RASA3: variants seen among roughly 807,000 people sequenced by gnomAD.
RASA3 encodes ras GTPase-activating protein 3.
Under a neutral mutation model 110.0 loss-of-function variants are expected in RASA3, and 73 were observed. That is an observed-to-expected ratio of 0.66 (90% CI 0.55 to 0.81). RASA3 has a LOEUF of 0.81. RASA3 is among the 30% of genes least tolerant of loss of function. The pLI is 0.00. For synonymous variants in RASA3, 500 were observed against 451.4 expected, an observed-to-expected ratio of 1.11 and a Z score of -1.37; for missense variants, 976 against 1,113.2, an observed-to-expected ratio of 0.88 and a Z score of 1.75.
chr13:114,132,589 G>A lies in RASA3; in HGVS notation c.-100C>T, dbSNP rs1034182195. The A allele has an allele frequency of 2.7e-5, 28 of 1,056,520 alleles. No homozygotes were observed. Among genetic ancestry groups the A allele is most frequent in the Non-Finnish European group, 2.7e-5 (23 of 840,096 alleles). 65.4% of individuals were successfully genotyped at this position (1,056,520 alleles called of 1,614,324 possible). A position where few individuals can be genotyped will look rare whatever the true frequency, so the allele number is the denominator to read the frequency against. Reference sequence around the variant, plus strand: ...GCGGCGGCGCCGGAGCCCCGAGCGCGGCCGAGGGTCCGCCCGCCTGCAAGA... The same window carrying A: ...GCGGCGGCGCCGGAGCCCCGAGCGCAGCCGAGGGTCCGCCCGCCTGCAAGA... On this transcript the variant is annotated 5_prime_UTR_variant, in exon 1 of 24. Transcript: ENST00000334062.
intron 4 of RASA3, 62 bp from the exon 5 acceptor site, chr13:114,029,949 C>CG (rs2054115596): frequency 1.4e-6 from 2 of 1,467,008 alleles, no homozygotes; most frequent in Admixed American, 3.9e-5. Context: ...CCACTAGGGC[C>CG]GCGCGCCCAG....
At chr13:114,052,891 T>G (rs1320726923) in intron 2 of RASA3, among the ~76,000 whole-genome samples, 88 of 129,816 alleles carry the variant, frequency 6.8e-4, no homozygotes, top group African/African-American at 2.5e-3. Flanking sequence ...CTGACTGTGC[T>G]TAGAGTCCTG....
At chr13:114,021,188 C>T (rs982901758) in intron 9 of RASA3, among the ~76,000 whole-genome samples, 1 of 152,212 alleles carries the variant, frequency 6.6e-6, no homozygotes, top group African/African-American at 2.4e-5. Flanking sequence ...CAGTGTGATC[C>T]CTGCTGCCTC....
chr13:114,032,686 C>A (rs115225459), intron 4 of RASA3, among the ~76,000 whole-genome samples: 2,096 of 146,832 alleles, frequency 0.014, 60 homozygotes, highest in African/African-American at 0.051. Flanking sequence ...TTCCACGGCA[C>A]CCCCACACTG....
chr13:114,011,194 C>T lies in RASA3; in HGVS notation c.1567G>A (p.Gly523Ser), dbSNP rs780630268. 37 of 1,612,668 alleles carry T rather than the reference C, an allele frequency of 2.3e-5. No individual in the cohort carries two copies. Among genetic ancestry groups the T allele is most frequent in the Admixed American group, 3.3e-5 (2 of 59,968 alleles). Residue 523 changes from glycine to serine, a missense_variant, in exon 16 of 24, where the codon GGC becomes AGC. This residue lies in a region of RASA3 where 732 missense variants were observed against 779.7 expected (regional missense o/e 0.94). Transcript: ENST00000334062. The surrounding 1 kb of genome is among the most constrained non-coding windows in gnomAD (Gnocchi z 4.8). ...TLISKTVQTL[G>S]SLSKSKSASF... ...ACAGATTTGGACTTGGACAGGCTGC[C>T]GAGGGTCTGAACGGTCTTGGAGATC...
At chr13:114,001,889 T>TCA (rs2053412942) in intron 18 of RASA3, among the ~76,000 whole-genome samples, 1 of 152,238 alleles carries the variant, frequency 6.6e-6, no homozygotes, top group African/African-American at 2.4e-5. Context: ...CCAGCCCTGC[T>TCA]GTGGTAGAAG....
chr13:114,113,317 G>C (rs1309126917), intron 1 of RASA3, among the ~76,000 whole-genome samples: 1 of 152,244 alleles, frequency 6.6e-6, no homozygotes, highest in African/African-American at 2.4e-5. Flanking sequence ...AGATGCACCT[G>C]TGGCTTGAGC....
At chr13:114,074,010 A>G (rs1439627514) in intron 1 of RASA3, among the ~76,000 whole-genome samples, 173 bp from the exon 2 acceptor site, 1 of 152,216 alleles carries the variant, frequency 6.6e-6, no homozygotes, top group African/African-American at 2.4e-5. Flanking sequence ...TGTACTGCCG[A>G]AAGGCGAGGG....
At chr13:113,979,870 C>T (rs1411307429) in intron 23 of RASA3, among the ~76,000 whole-genome samples, 1 of 151,922 alleles carries the variant, frequency 6.6e-6, no homozygotes, top group East Asian at 1.9e-4. Flanking sequence ...TGTGCACCTC[C>T]TGCCATGTGT....
At chr13:114,124,776 T>A (rs1177591992) in intron 1 of RASA3, among the ~76,000 whole-genome samples, 3 of 152,268 alleles carry the variant, frequency 2.0e-5, no homozygotes, top group African/African-American at 4.8e-5. Context: ...TTGTCTTGAA[T>A]GAAGGCAAGT....
At chr13:113,992,284 T>C (rs760722083) in intron 22 of RASA3, among the ~76,000 whole-genome samples, 3 of 152,250 alleles carry the variant, frequency 2.0e-5, no homozygotes, top group Non-Finnish European at 4.4e-5. Flanking sequence ...TAGAACCTAT[T>C]ATACAGGTAA....
At chr13:114,102,208 C>CAGCG (rs2080068962) in intron 1 of RASA3, among the ~76,000 whole-genome samples, 1 of 152,172 alleles carries the variant, frequency 6.6e-6, no homozygotes, top group Non-Finnish European at 1.5e-5. Context: ...ACAGGATCCA[C>CAGCG]AGCGGGCGGG....
In RASA3 at chr13:114,052,587, A is replaced by G. The variant is rs113665102; in HGVS notation, c.174-432T>C. Among the ~76,000 whole-genome samples the G allele has an allele frequency of 4.0e-3, 608 of 152,300 alleles. 3 individuals carry two copies. The highest frequency in any genetic ancestry group is 0.013 in the African/African-American group (549 of 41,548). On this transcript the variant is annotated intron_variant, in intron 2 of 23. Transcript: ENST00000334062. ...GTGCCTTGGACCGCTCCTTTTATCC[A>G]GAGATCCAGTACAAAGTCCTGACTG...
chr13:114,128,429 T>G (rs2080477859), intron 1 of RASA3, among the ~76,000 whole-genome samples: 1 of 152,206 alleles, frequency 6.6e-6, no homozygotes, highest in Non-Finnish European at 1.5e-5. Context: ...AGCTGCCACT[T>G]CTAGCAGAGC....
chr13:114,041,478 T>C (rs1169890214), intron 3 of RASA3, among the ~76,000 whole-genome samples: 1 of 152,258 alleles, frequency 6.6e-6, no homozygotes, highest in African/African-American at 2.4e-5. Context: ...GTCCGCTCCA[T>C]CGGCAATGTG....
Position 114,096,545 on chromosome 13 carries a change from C to G in RASA3, c.56-22708G>C, listed in dbSNP as rs201518433. ...ATCCATGTCCTGGGTACAACTCACC[C>G]TCCTCCGTGATTCAAACTGTTCCAG... On this transcript the variant is annotated intron_variant, in intron 1 of 23. Transcript: ENST00000334062. The surrounding 1 kb of genome is among the most constrained non-coding windows in gnomAD (Gnocchi z 5.1). Among the ~76,000 whole-genome samples the G allele has an allele frequency of 3.3e-5, 5 of 152,152 alleles. No individual in the cohort carries two copies. The highest frequency in any genetic ancestry group is 1.9e-4 in the East Asian group (1 of 5,184).
rs1465948772 is a variant in RASA3, at chr13:114,100,797, C to T, written c.56-26960G>A. Among the ~76,000 whole-genome samples the T allele has an allele frequency of 5.3e-5, 8 of 152,198 alleles. No individual in the cohort carries two copies. In the East Asian group the frequency reaches 5.8e-4, roughly 11 times the overall value. ...AAACACTCCAAGGCCCCAGGGACAC[C>T]GGAAGCCGTGGAGCCCGGGCCCCAT... On this transcript the variant is annotated intron_variant, in intron 1 of 23. Coordinates refer to ENST00000334062, the MANE Select transcript of RASA3 (RefSeq NM_007368.4).
chr13:114,116,730 GGGTGAGCACGTGTGTGA>G (rs2080279973), intron 1 of RASA3, among the ~76,000 whole-genome samples: 1 of 152,128 alleles, frequency 6.6e-6, no homozygotes, highest in African/African-American at 2.4e-5. Context: ...GCATCAGTGT[GGGTGAGCACGTGTGTGA>G]GGGGTGCACG....
intron 2 of RASA3, among the ~76,000 whole-genome samples, chr13:114,060,101 T>C (rs2079312674): frequency 6.6e-6 from 1 of 151,496 alleles, no homozygotes; most frequent in African/African-American, 2.4e-5. Context: ...GCAGGAGGGG[T>C]CTAGGCAGAG....
Sources: gnomAD v4.1 joint callset for allele counts (sites outside exome capture counted in the v4.1 genomes callset) on GRCh38, gnomAD v4.1.1 for gene constraint, gnomAD v4.1.1 regional missense constraint, Gnocchi (gnomAD v3.1) non-coding constraint, MANE v1.5 for transcripts, NCBI Gene and HGNC (gene_info 2026-07-23, HGNC 2026-07-21) for gene names.